PAPSS1: variants seen among roughly 807,000 people sequenced by gnomAD.
The protein encoded by PAPSS1 is bifunctional 3'-phosphoadenosine 5'-phosphosulfate synthase 1.
A neutral mutation model predicts 72.0 loss-of-function variants in PAPSS1; 50 were observed. The ratio of observed to expected loss-of-function variants is 0.69; its 90% confidence interval spans 0.55 to 0.88. The LOEUF is 0.88. Among genes scored for constraint, PAPSS1 ranks in the 40% least tolerant of loss-of-function variants. The pLI, the probability that PAPSS1 is intolerant of heterozygous loss-of-function variation, is 0.00. For missense variants in PAPSS1, 657 were observed against 782.2 expected, an observed-to-expected ratio of 0.84 and a Z score of 1.91; for synonymous variants, 261 against 263.6, an observed-to-expected ratio of 0.99 and a Z score of 0.09.
Position 107,614,138 on chromosome 4 carries a change from G to GT in PAPSS1, c.*110dup. 3 of 1,175,036 alleles carry GT rather than the reference G, an allele frequency of 2.6e-6. No individual in the cohort carries two copies. Among genetic ancestry groups the GT allele is most frequent in the Non-Finnish European group, 1.2e-6 (1 of 833,722 alleles). 72.8% of individuals were successfully genotyped at this position (1,175,036 alleles called of 1,614,324 possible). ...TGATGCAAGTTAAGGAAAATGGTCT[G>GT]TTTTTAGGAAGCATGTCCAGACAGA... On this transcript the variant is annotated 3_prime_UTR_variant, in exon 12 of 12. Transcript: ENST00000265174.
At chr4:107,677,062 C>T (rs9684710) in intron 5 of PAPSS1, among the ~76,000 whole-genome samples, 5,781 of 151,992 alleles carry the variant, frequency 0.038, 334 homozygotes, top group African/African-American at 0.13. Flanking sequence ...TTAAATGTTA[C>T]ACCTAAAACC....
chr4:107,667,887 T>C (rs1302402189), intron 5 of PAPSS1, among the ~76,000 whole-genome samples: 1 of 152,184 alleles, frequency 6.6e-6, no homozygotes, highest in Non-Finnish European at 1.5e-5. Flanking sequence ...ATGAGCAGTT[T>C]ATTTCTTTAA....
chr4:107,663,357 G>C (rs924002475), intron 5 of PAPSS1, among the ~76,000 whole-genome samples: 1 of 152,008 alleles, frequency 6.6e-6, no homozygotes, highest in Middle Eastern at 3.2e-3. Context: ...ATCTTACAAC[G>C]TGTCTCCCCA....
intron 1 of PAPSS1, 53 bp downstream of exon 1, chr4:107,720,067 C>A (rs1723741523): frequency 1.8e-5 from 28 of 1,583,204 alleles, no homozygotes; most frequent in Non-Finnish European, 2.3e-5. Context: ...CCGGAACGAG[C>A]TGCTCCCACA....
At chr4:107,654,653 A>C in intron 8 of PAPSS1, 42 bp downstream of exon 8, 1 of 1,495,714 alleles carries the variant, frequency 6.7e-7, no homozygotes, top group African/African-American at 1.4e-5. Flanking sequence ...CACAAACATC[A>C]TTGGCAAATC....
chr4:107,653,460 C>T (rs1444837816), intron 9 of PAPSS1, 31 bp downstream of exon 9: 2 of 1,589,432 alleles, frequency 1.3e-6, no homozygotes, highest in Non-Finnish European at 1.7e-6. Context: ...TCCAAGCCGG[C>T]CTATATTAGG....
intron 1 of PAPSS1, among the ~76,000 whole-genome samples, chr4:107,704,951 C>CAA (rs60816460): frequency 5.7e-4 from 83 of 146,880 alleles, no homozygotes; most frequent in East Asian, 1.0e-3. Flanking sequence ...AACTCCACCT[C>CAA]AAAAAAAAAA....
At chr4:107,719,789 G>A (rs897253332) in intron 1 of PAPSS1, 216 of 1,178,008 alleles carry the variant, frequency 1.8e-4, no homozygotes, top group Non-Finnish European at 2.0e-4. Context: ...TTCAGCACCC[G>A]GAGGTTTCAG....
intron 11 of PAPSS1, among the ~76,000 whole-genome samples, chr4:107,616,895 T>C (rs1299940033): frequency 2.0e-5 from 3 of 152,206 alleles, no homozygotes; most frequent in Non-Finnish European, 2.9e-5. Flanking sequence ...ATCTGGACTA[T>C]TCATATTAGA....
In PAPSS1 at chr4:107,694,004, A is replaced by G. The variant is rs758320643; in HGVS notation, c.178T>C (p.Leu60=). The G allele has an allele frequency of 6.2e-7, 1 of 1,606,104 alleles. No individual in the cohort carries two copies. The highest frequency in any genetic ancestry group is 1.1e-5 in the South Asian group (1 of 90,898). ...FRGCTVWLTG[L]SGAGKTTVSM... ...ACAGTAGTCTTTCCCGCTCCAGACAAGCCTAAAATTAAACAGTCCAAACAG... is the reference window on the plus strand; with the variant it reads ...ACAGTAGTCTTTCCCGCTCCAGACAGGCCTAAAATTAAACAGTCCAAACAG... The change falls in exon 3 of 12, where the codon TTG becomes CTG. Residue 60 remains leucine, a splice_region_variant and synonymous_variant. Coordinates refer to ENST00000265174, the MANE Select transcript of PAPSS1 (RefSeq NM_005443.5).
chr4:107,719,864 G>T (rs149258239), intron 1 of PAPSS1: 3 of 1,347,996 alleles, frequency 2.2e-6, no homozygotes, highest in Non-Finnish European at 2.8e-6. Context: ...CGCTGGGGAG[G>T]GGGGGCGTTC....
chr4:107,653,235 T>C (rs1205111600), intron 9 of PAPSS1, among the ~76,000 whole-genome samples: 1 of 152,082 alleles, frequency 6.6e-6, no homozygotes, highest in Non-Finnish European at 1.5e-5. Context: ...AGCTTTAACA[T>C]GCGAGTTTTA....
intron 1 of PAPSS1, among the ~76,000 whole-genome samples, chr4:107,713,067 C>T (rs187514406): frequency 6.6e-6 from 1 of 151,986 alleles, no homozygotes; most frequent in African/African-American, 2.4e-5. Context: ...CTGCCTCAGC[C>T]TCCTGAGTAG....
At chr4:107,637,162 T>C (rs1287025226) in intron 10 of PAPSS1, among the ~76,000 whole-genome samples, 1 of 152,228 alleles carries the variant, frequency 6.6e-6, no homozygotes, top group Non-Finnish European at 1.5e-5. Context: ...ATTTATAATA[T>C]AAAATCCTTC....
chr4:107,679,546 T>C (rs1031709687), intron 5 of PAPSS1, among the ~76,000 whole-genome samples: 2 of 152,076 alleles, frequency 1.3e-5, no homozygotes, highest in African/African-American at 4.8e-5. Context: ...CTAGACACAG[T>C]GTCCAGCATT....
At chr4:107,646,985 C>T (rs558732017) in intron 9 of PAPSS1, among the ~76,000 whole-genome samples, 12 of 152,274 alleles carry the variant, frequency 7.9e-5, no homozygotes, top group African/African-American at 2.6e-4. Flanking sequence ...CCTTCATCAT[C>T]TCTTCACAAG....
Position 107,660,022 on chromosome 4 carries a change from T to G in PAPSS1, c.720A>C (p.Pro240=), listed in dbSNP as rs1727131041. ...ASYEVKELYV[P]ENKLHLAKTD... ...TTTTTGCCAAATGAAGTTTATTTTCTGGCACATATAGTTCTTTTACTTCAT... is the reference window on the plus strand; with the variant it reads ...TTTTTGCCAAATGAAGTTTATTTTCGGGCACATATAGTTCTTTTACTTCAT... Residue 240 remains proline, a synonymous_variant, in exon 6 of 12, where the codon CCA becomes CCC. Coordinates refer to ENST00000265174, the MANE Select transcript of PAPSS1 (RefSeq NM_005443.5). 1 of 1,607,808 alleles carries G rather than the reference T, an allele frequency of 6.2e-7. No homozygotes were observed. Among genetic ancestry groups the G allele is most frequent in the African/African-American group, 1.3e-5 (1 of 74,766 alleles).
intron 2 of PAPSS1, among the ~76,000 whole-genome samples, chr4:107,696,490 G>T (rs969926667): frequency 1.3e-5 from 2 of 152,114 alleles, no homozygotes; most frequent in Admixed American, 6.6e-5. Flanking sequence ...ACCAAACACT[G>T]CATGTTCTCT....
chr4:107,682,726 A>T (rs987259854), intron 4 of PAPSS1, among the ~76,000 whole-genome samples: 2 of 152,212 alleles, frequency 1.3e-5, no homozygotes, highest in Non-Finnish European at 2.9e-5. Flanking sequence ...CATAAAACCA[A>T]ACCTGACAAG....
Sources: allele counts gnomAD v4.1 joint callset (sites outside exome capture counted in the v4.1 genomes callset), GRCh38; gene constraint gnomAD v4.1.1; transcripts MANE v1.5; gene names NCBI Gene and HGNC (gene_info 2026-07-23, HGNC 2026-07-21).